The following ARHGEF7 variants were observed in gnomAD, a reference collection of about 807,000 sequenced individuals.
ARHGEF7 encodes the protein PAK-interacting exchange factor beta.
ARHGEF7 carries 33 observed loss-of-function variants against 109.8 expected under a neutral mutation model. The ratio of observed to expected loss-of-function variants is 0.30; its 90% CI spans 0.23 to 0.40. ARHGEF7 has a LOEUF of 0.40. Among genes scored for constraint, ARHGEF7 ranks in the 10% least tolerant of loss-of-function variants. ARHGEF7 has a pLI of 1.00. For missense variants in ARHGEF7, 938 were observed against 1,098.5 expected, an observed-to-expected ratio of 0.85 and a Z score of 2.07; for synonymous variants, 458 against 424.6, an observed-to-expected ratio of 1.08 and a Z score of -0.97.
intron 9 of ARHGEF7, among the ~76,000 whole-genome samples, chr13:111,268,391 CAA>C (rs1230040131): frequency 4.6e-5 from 7 of 152,010 alleles, no homozygotes; most frequent in Non-Finnish European, 2.9e-5. Context: ...TAATATTTTA[CAA>C]AAAATTTCAT....
intron 2 of ARHGEF7, among the ~76,000 whole-genome samples, chr13:111,154,352 C>G (rs1012918688): frequency 2.6e-5 from 4 of 152,320 alleles, no homozygotes; most frequent in African/African-American, 7.2e-5. Context: ...AGCATGAACT[C>G]TGCTTTTAGA....
chr13:111,174,981 A>G (rs529801412), intron 2 of ARHGEF7, among the ~76,000 whole-genome samples: 2 of 152,012 alleles, frequency 1.3e-5, no homozygotes, highest in Admixed American at 6.6e-5. Context: ...CTCCTCCTCA[A>G]CCGTCCTCCT....
chr13:111,194,018 C>G (rs1176083125), intron 2 of ARHGEF7, among the ~76,000 whole-genome samples: 1 of 152,220 alleles, frequency 6.6e-6, no homozygotes, highest in Non-Finnish European at 1.5e-5. Flanking sequence ...CCATTTACAT[C>G]ATGAGTAGTC....
At chr13:111,271,928 G>C (rs1595403572) in intron 9 of ARHGEF7, among the ~76,000 whole-genome samples, 1 of 152,246 alleles carries the variant, frequency 6.6e-6, no homozygotes, top group African/African-American at 2.4e-5. Flanking sequence ...AGGGCAGACA[G>C]AGGTGCCGCA....
At chr13:111,208,527 G>A (rs940248172) in intron 3 of ARHGEF7, among the ~76,000 whole-genome samples, 5 of 152,158 alleles carry the variant, frequency 3.3e-5, no homozygotes, top group Admixed American at 6.5e-5. Flanking sequence ...AAGAAAGCTT[G>A]GTGATGGGGA....
At chr13:111,253,592 G>A (rs2090054092) in intron 8 of ARHGEF7, among the ~76,000 whole-genome samples, 1 of 152,162 alleles carries the variant, frequency 6.6e-6, no homozygotes, top group Non-Finnish European at 1.5e-5. Flanking sequence ...GAGATAGCAG[G>A]ATTTGCCCTG....
rs149513080 is a variant in ARHGEF7, at chr13:111,121,956, T to C, written c.165+6265T>C. Among the ~76,000 whole-genome samples, 455 of 152,358 alleles carry C rather than the reference T, an allele frequency of 3.0e-3. 2 individuals are homozygous for C. Among genetic ancestry groups the C allele is most frequent in the Non-Finnish European group, 4.6e-3 (313 of 68,036 alleles). On this transcript the variant is annotated intron_variant, in intron 1 of 21. Transcript: ENST00000646102. Reference sequence around the variant, plus strand: ...TCCTCAGTACGCAGTAGTTACTGTTTTGTTGATTGACACTGAAAACCTTCC... The same window carrying C: ...TCCTCAGTACGCAGTAGTTACTGTTCTGTTGATTGACACTGAAAACCTTCC...
At chr13:111,264,005 T>C (rs142006817) in intron 8 of ARHGEF7, among the ~76,000 whole-genome samples, 30 of 152,286 alleles carry the variant, frequency 2.0e-4, no homozygotes, top group African/African-American at 7.0e-4. Context: ...TTTGAGTCAG[T>C]GACTACCCTG....
intron 5 of ARHGEF7, among the ~76,000 whole-genome samples, chr13:111,220,902 G>A (rs1742311870): frequency 1.3e-5 from 2 of 151,480 alleles, no homozygotes; most frequent in South Asian, 2.1e-4. Flanking sequence ...ATCCATAGGT[G>A]TATTAGGGTG....
chr13:111,238,471 A>G (rs1404365653), intron 6 of ARHGEF7, among the ~76,000 whole-genome samples: 1 of 152,250 alleles, frequency 6.6e-6, no homozygotes, highest in Non-Finnish European at 1.5e-5. Context: ...AGAAGGCATC[A>G]CTGAGGCCAC....
intron 8 of ARHGEF7, chr13:111,265,514 G>A: frequency 2.2e-6 from 1 of 456,076 alleles, no homozygotes; most frequent in South Asian, 1.6e-5. Context: ...GGAAAGCAGT[G>A]CTCATGAAGG....
intron 19 of ARHGEF7, chr13:111,295,013 G>A (rs2093395678): frequency 1.0e-6 from 1 of 985,622 alleles, no homozygotes; most frequent in African/African-American, 1.7e-5. Flanking sequence ...CTGTGAATGG[G>A]AAAAGCCATT....
intron 2 of ARHGEF7, among the ~76,000 whole-genome samples, chr13:111,164,864 A>G (rs1293156301): frequency 3.3e-5 from 5 of 152,202 alleles, no homozygotes; most frequent in Non-Finnish European, 7.3e-5. Context: ...TAGGAAGTTA[A>G]GATAATTTGT....
rs902097811 is a variant in ARHGEF7, at chr13:111,283,154, G to C, written c.1741G>C (p.Val581Leu). 25 of 1,589,764 alleles carry C rather than the reference G, an allele frequency of 1.6e-5. No homozygotes were observed. The African/African-American group carries it at 2.5e-4, about 16-fold the overall frequency. The change falls in exon 16 of 22, where the codon GTC (valine) becomes CTC (leucine). Residue 581 changes from valine to leucine, a missense_variant. Coordinates refer to ENST00000646102, the MANE Select transcript of ARHGEF7 (RefSeq NM_001354046.2). The part of the protein sequence containing the change: ...VPSHTLPSHP[V>L]TPSSKHADSK... Reference sequence around the variant, plus strand: ...CCCTTGGCAGCTCCCCTCCCACCCGGTCACTCCGTCCAGCAAGCACGCAGA... The same window carrying C: ...CCCTTGGCAGCTCCCCTCCCACCCGCTCACTCCGTCCAGCAAGCACGCAGA...
chr13:111,115,446 C>CGGCGGCGGG lies in ARHGEF7; in HGVS notation c.-77_-69dup. 3 of 971,290 alleles carry CGGCGGCGGG rather than the reference C, an allele frequency of 3.1e-6. No homozygotes were observed. Among genetic ancestry groups the CGGCGGCGGG allele is most frequent in the Non-Finnish European group, 3.7e-6 (3 of 818,664 alleles). 60.2% of individuals were successfully genotyped at this position (971,290 alleles called of 1,614,324 possible). ...CGCTCGATGGGCGAGGCGGCGGCGG[C>CGGCGGCGGG]GGCGGCGGGGGCCGCGGGCCGGGCC... On this transcript the variant is annotated 5_prime_UTR_variant, in exon 1 of 22. Coordinates refer to ENST00000646102, the MANE Select transcript of ARHGEF7 (RefSeq NM_001354046.2).
At chr13:111,254,062 A>AT (rs1455825605) in intron 8 of ARHGEF7, among the ~76,000 whole-genome samples, 3 of 152,188 alleles carry the variant, frequency 2.0e-5, no homozygotes, top group South Asian at 2.1e-4. Flanking sequence ...AAGTTGAACC[A>AT]TTGTGGTGCT....
chr13:111,215,123 C>T (rs766421338), intron 4 of ARHGEF7, among the ~76,000 whole-genome samples: 2 of 151,490 alleles, frequency 1.3e-5, no homozygotes, highest in Non-Finnish European at 3.0e-5. Context: ...ATGGGGTACA[C>T]GAGCTGTCTT....
At chr13:111,202,072 T>C (rs576986458) in intron 2 of ARHGEF7, among the ~76,000 whole-genome samples, 11 of 152,362 alleles carry the variant, frequency 7.2e-5, no homozygotes, top group African/African-American at 2.6e-4. Context: ...ATCATTCTAT[T>C]GCACATTTAA....
In ARHGEF7 at chr13:111,304,303, C is replaced by T. The variant is rs2093620464; in HGVS notation, c.*1190C>T. On this transcript the variant is annotated 3_prime_UTR_variant, in exon 22 of 22. Coordinates refer to ENST00000646102, the MANE Select transcript of ARHGEF7 (RefSeq NM_001354046.2). ...CTGGGCCCAGGCTGGCTCTGGAAAGCCTGTGCGGTCCTGGGCAGGAAGCCC... is the reference window on the plus strand; with the variant it reads ...CTGGGCCCAGGCTGGCTCTGGAAAGTCTGTGCGGTCCTGGGCAGGAAGCCC... The T allele has an allele frequency of 6.6e-6, 1 of 152,254 alleles. No individual in the cohort carries two copies. Among genetic ancestry groups the T allele is most frequent in the Non-Finnish European group, 1.5e-5 (1 of 68,062 alleles). The allele number at this position is 152,254 out of a possible 1,614,324, so 9.4% of individuals were successfully genotyped here. A position where few individuals can be genotyped will look rare whatever the true frequency, so the allele number is the denominator to read the frequency against.
Sources: gnomAD v4.1 joint callset for allele counts (sites outside exome capture counted in the v4.1 genomes callset) on GRCh38, gnomAD v4.1.1 for gene constraint, MANE v1.5 for transcripts, NCBI Gene and HGNC (gene_info 2026-07-23, HGNC 2026-07-21) for gene names.